SYNE1: variants seen among roughly 807,000 people sequenced by gnomAD.
SYNE1 encodes nesprin-1.
SYNE1 carries 616 observed loss-of-function variants against 1,111.0 expected under a neutral mutation model. The observed-to-expected ratio is 0.55, with a 90% CI of 0.52 to 0.59. SYNE1 has a LOEUF of 0.59. Ranked by LOEUF, SYNE1 falls within the 20% of genes least tolerant of loss-of-function variation. The pLI is 0.00. For missense variants in SYNE1, 10,006 were observed against 10,417.0 expected (o/e 0.96, Z 1.72); for synonymous variants, 3,855 against 3,825.8 (o/e 1.01, Z -0.28).
intron 64 of SYNE1, among the ~76,000 whole-genome samples, chr6:152,360,803 T>C (rs1353386984): frequency 6.6e-6 from 1 of 152,214 alleles, no homozygotes; most frequent in Non-Finnish European, 1.5e-5. Flanking sequence ...TATGGATGCA[T>C]AAATGAGACC....
intron 145 of SYNE1, chr6:152,127,082 G>T (rs893875554): frequency 2.6e-5 from 4 of 152,158 alleles, no homozygotes; most frequent in African/African-American, 9.7e-5. Context: ...CCAGAATCAA[G>T]TTAGGACCCA....
rs777794930 is a variant in SYNE1 at position 152,353,345 on chromosome 6, G to C, written c.11171C>G (p.Thr3724Ser). Residue 3724 changes from threonine to serine, a missense_variant, in exon 69 of 146, where the codon ACT becomes AGT. By Grantham distance (58) the Thr-to-Ser change is moderately conservative. This residue lies in a region of SYNE1 where 4,955 missense variants were observed against 5,017.2 expected (regional missense o/e 0.99). Transcript: ENST00000367255. Reference protein sequence around the residue: ...LSSYSDWYGSTHKNFKNVATK... With the variant: ...LSSYSDWYGSSHKNFKNVATK... ...AGCCACATTCTTGAAGTTTTTATGA[G>C]TAGAGCCATACCAATCAGAATAGGA... 6.8e-6 allele frequency: 11 copies of C among 1,614,010 alleles called. No individual in the cohort carries two copies. The South Asian group carries it at 1.2e-4, about 18-fold the overall frequency.
In SYNE1 at chr6:152,145,929, G is replaced by C. The variant is rs144095282; in HGVS notation, c.24976+2116C>G. On this transcript the variant is annotated intron_variant, in intron 137 of 145. Coordinates refer to ENST00000367255, the MANE Select transcript of SYNE1 (RefSeq NM_182961.4). The stretch of plus-strand genomic sequence containing the variant: ...AATCCCAGCTACATGGGAGTCTGAG[G>C]CAGGAGGATCGCTTGAACCCGGGAG... The C allele has an allele frequency of 4.5e-3, 1,408 of 312,886 alleles. 21 individuals carry two copies. The highest frequency in any genetic ancestry group is 0.029 in the African/African-American group (1,313 of 45,920). 19.4% of individuals were successfully genotyped at this position (312,886 alleles called of 1,614,324 possible). A position where few individuals can be genotyped will look rare whatever the true frequency, so the allele number is the denominator to read the frequency against.
chr6:152,183,812 A>C (rs2068851402), intron 128 of SYNE1, among the ~76,000 whole-genome samples: 2 of 152,292 alleles, frequency 1.3e-5, no homozygotes, highest in South Asian at 4.1e-4. Context: ...GGAATATGAA[A>C]GTTGGACAAA....
intron 73 of SYNE1, among the ~76,000 whole-genome samples, chr6:152,345,581 T>C (rs533881532): frequency 1.3e-5 from 2 of 152,274 alleles, no homozygotes; most frequent in Non-Finnish European, 2.9e-5. Context: ...AGGTGAATTT[T>C]TTTTTTTAAG....
At position 152,433,805 on chromosome 6, in the gene SYNE1, C is replaced by T. The variant is rs769529160; in HGVS notation, c.4451G>A (p.Ser1484Asn). Residue 1484 changes from serine to asparagine, a missense_variant, in exon 34 of 146, where the codon AGC becomes AAC. This residue lies in a region of SYNE1 where 1,971 missense variants were observed against 2,084.1 expected (regional missense o/e 0.95). Coordinates refer to ENST00000367255, the MANE Select transcript of SYNE1 (RefSeq NM_182961.4). ...GTGTGAGCAGGTCACCTTAATTTGG[C>T]TGATTTGCATGTCCATGGCAGATGA... ...TSSSAMDMQI[S>N]QIKVTIQEIE... 3.1e-6 allele frequency: 5 copies of T among 1,613,718 alleles called. No individual in the cohort carries two copies. In the South Asian group the frequency reaches 5.5e-5, roughly 18 times the overall value.
intron 126 of SYNE1, among the ~76,000 whole-genome samples, chr6:152,202,371 C>CAAAAAAAAAA (rs11350427): frequency 9.0e-6 from 1 of 111,016 alleles, no homozygotes; most frequent in African/African-American, 3.2e-5. Context: ...AAAAAAAAAG[C>CAAAAAAAAAA]AAAAAAAAAA....
chr6:152,145,704 C>T, intron 137 of SYNE1: 1 of 705,990 alleles, frequency 1.4e-6, no homozygotes, highest in Non-Finnish European at 2.5e-6. Flanking sequence ...TGCAGGCTCA[C>T]CAAAGCTTTC....
chr6:152,313,320 T>C (rs955277577), intron 87 of SYNE1, among the ~76,000 whole-genome samples: 3 of 152,290 alleles, frequency 2.0e-5, no homozygotes, highest in Admixed American at 6.5e-5. Flanking sequence ...CTAACCATAA[T>C]TATTCTGTGA....
intron 10 of SYNE1, 74 bp downstream of exon 10, chr6:152,502,559 A>G (rs2099035345): frequency 1.0e-5 from 12 of 1,156,000 alleles, no homozygotes; most frequent in Non-Finnish European, 1.6e-5. Flanking sequence ...TAATTTTTTG[A>G]GAACAGTATA....
intron 78 of SYNE1, 30 bp downstream of exon 78, chr6:152,329,700 A>T (rs1421680492): frequency 6.2e-7 from 1 of 1,614,174 alleles, no homozygotes; most frequent in Admixed American, 1.7e-5. Flanking sequence ...CAGAGTGGAA[A>T]AAAGAGAAGT....
chr6:152,589,182 C>T (rs946746736), intron 3 of SYNE1, among the ~76,000 whole-genome samples: 1 of 152,124 alleles, frequency 6.6e-6, no homozygotes, highest in South Asian at 2.1e-4. Context: ...GCTGGGATTA[C>T]AGGAGTGAGC....
chr6:152,210,360 G>A (rs2077308281), intron 124 of SYNE1, among the ~76,000 whole-genome samples: 1 of 152,080 alleles, frequency 6.6e-6, no homozygotes, highest in Non-Finnish European at 1.5e-5. Context: ...TTGTTATAGA[G>A]TTGGCTAAGA....
At chr6:152,595,108 C>G (rs551371101) in intron 3 of SYNE1, among the ~76,000 whole-genome samples, 4 of 152,190 alleles carry the variant, frequency 2.6e-5, no homozygotes, top group Non-Finnish European at 5.9e-5. Flanking sequence ...TTTGCGGTCT[C>G]CTGTCTTTTG....
In SYNE1 at chr6:152,234,943, T is replaced by C. The variant is rs528002302; in HGVS notation, c.20397-143A>G. The C allele has an allele frequency of 1.2e-4, 109 of 939,036 alleles. 1 individual carries two copies. The African/African-American group carries it at 1.3e-3, about 11-fold the overall frequency. The allele number at this position is 939,036 out of a possible 1,614,324, so 58.2% of individuals were successfully genotyped here. Reference sequence around the variant, plus strand: ...AATGCATGAGGTTGGCACTCTGAAATTTTCTTCATATTGATACCTTTATCA... The same window carrying C: ...AATGCATGAGGTTGGCACTCTGAAACTTTCTTCATATTGATACCTTTATCA... On this transcript the variant is annotated intron_variant, in intron 110 of 145. Transcript: ENST00000367255.
chr6:152,567,383 G>T (rs1467844915), intron 3 of SYNE1, among the ~76,000 whole-genome samples: 1 of 151,906 alleles, frequency 6.6e-6, no homozygotes, highest in Non-Finnish European at 1.5e-5. Flanking sequence ...ATATAAAACT[G>T]TACGTTATTT....
chr6:152,456,220 A>G lies in SYNE1; in HGVS notation c.2569-176T>C, dbSNP rs111942091. On this transcript the variant is annotated intron_variant, in intron 22 of 145. Coordinates refer to ENST00000367255, the MANE Select transcript of SYNE1 (RefSeq NM_182961.4). ...TTTCAAAAGATCTCAATTTTAAACA[A>G]TCACTGAAGTCAGTGCTTTCTTATA... is the stretch of plus-strand genomic sequence containing the variant. Among the ~76,000 whole-genome samples the G allele has an allele frequency of 6.6e-3, 1,000 of 152,280 alleles. 15 individuals carry two copies. The highest frequency in any genetic ancestry group is 0.023 in the African/African-American group (937 of 41,546).
chr6:152,330,361 T>C lies in SYNE1; in HGVS notation c.14324A>G (p.Asp4775Gly). The C allele has an allele frequency of 1.2e-6, 2 of 1,614,152 alleles. No individual in the cohort carries two copies. The highest frequency in any genetic ancestry group is 1.7e-6 in the Non-Finnish European group (2 of 1,180,026). The change falls in exon 78 of 146, where the codon GAC becomes GGC. Residue 4775 changes from aspartate (D) to glycine (G), a missense_variant. By Grantham distance (94) the Asp-to-Gly change is moderately conservative. This residue lies in a region of SYNE1 where 4,955 missense variants were observed against 5,017.2 expected (regional missense o/e 0.99). Coordinates refer to ENST00000367255, the MANE Select transcript of SYNE1 (RefSeq NM_182961.4). ...QTEQRVSLLE[D>G]TTSAYQEHEK... ...GTGTTCTTGGTAAGCACTGGTGGTG[T>C]CTTCTAATAAGCTAACCCTCTGTTC... is the stretch of plus-strand genomic sequence containing the variant.
At chr6:152,497,867 T>C (rs1168987770) in intron 11 of SYNE1, among the ~76,000 whole-genome samples, 1 of 152,220 alleles carries the variant, frequency 6.6e-6, no homozygotes, top group African/African-American at 2.4e-5. Context: ...CTATTGCTTA[T>C]ATCTAAATTC....
Sources: gnomAD v4.1 joint callset for allele counts (sites outside exome capture counted in the v4.1 genomes callset) on GRCh38, gnomAD v4.1.1 for gene constraint, gnomAD v4.1.1 regional missense constraint, MANE v1.5 for transcripts, NCBI Gene and HGNC (gene_info 2026-07-23, HGNC 2026-07-21) for gene names.